The following WDPCP variants were observed in gnomAD, a reference collection of about 807,000 sequenced individuals.
WDPCP encodes the protein WD repeat-containing and planar cell polarity effector protein fritz homolog.
WDPCP carries 71 observed loss-of-function variants against 93.1 expected under a neutral mutation model. The observed-to-expected ratio is 0.76, with a 90% confidence interval of 0.63 to 0.93. The LOEUF is 0.93. WDPCP is among the 40% of genes least tolerant of loss of function. WDPCP has a pLI of 0.00. For missense variants in WDPCP, 844 were observed against 887.4 expected, an observed-to-expected ratio of 0.95 and a Z score of 0.62; for synonymous variants, 315 against 315.0, an observed-to-expected ratio of 1.00 and a Z score of 0.00.
intron 1 of WDPCP, among the ~76,000 whole-genome samples, chr2:63,503,906 TGA>T (rs1701708635): frequency 1.1e-5 from 1 of 94,874 alleles, no homozygotes; most frequent in African/African-American, 4.0e-5. Context: ...TGAGCTCAAA[TGA>T]AAAAAAAAAA....
rs548483405 is a variant in WDPCP at position 63,588,248 on chromosome 2, G to C, written c.24C>G (p.Asp8Glu). The C allele has an allele frequency of 1.9e-6, 3 of 1,577,926 alleles. No homozygotes were observed. The highest frequency in any genetic ancestry group is 3.5e-5 in the Admixed American group (2 of 57,310). Residue 8 changes from aspartate (D) to glutamate (E), a missense_variant, in exon 1 of 18, where the codon GAC (aspartate) becomes GAG (glutamate). Coordinates refer to ENST00000272321, the MANE Select transcript of WDPCP (RefSeq NM_015910.7). MRREFCWDAYSKAAGSRA... is the reference protein window; with the variant it reads MRREFCWEAYSKAAGSRA... ...GACTCCCGGCCGCTTTGGAGTAGGCGTCCCAGCAAAACTCTCGCCTCATCA... is the reference window on the plus strand; with the variant it reads ...GACTCCCGGCCGCTTTGGAGTAGGCCTCCCAGCAAAACTCTCGCCTCATCA...
chr2:63,224,206 A>G (rs1200100882), intron 14 of WDPCP, among the ~76,000 whole-genome samples: 1 of 152,086 alleles, frequency 6.6e-6, no homozygotes, highest in Non-Finnish European at 1.5e-5. Flanking sequence ...AGATATGACT[A>G]CACACCTATT....
intron 2 of WDPCP, among the ~76,000 whole-genome samples, chr2:63,764,825 C>T (rs6742187): frequency 0.65 from 98,342 of 151,994 alleles, 32,765 homozygotes; most frequent in East Asian, 0.81. Context: ...AGGGGTGTGA[C>T]CTTTCTGATT....
intron 1 of WDPCP, among the ~76,000 whole-genome samples, chr2:63,500,065 A>G (rs1217524660): frequency 6.6e-6 from 1 of 152,220 alleles, no homozygotes; most frequent in African/African-American, 2.4e-5. Flanking sequence ...AGTTCCCAGG[A>G]ACCCCTTACC....
At chr2:63,367,234 A>G (rs1177418373) in intron 12 of WDPCP, among the ~76,000 whole-genome samples, 1 of 152,028 alleles carries the variant, frequency 6.6e-6, no homozygotes, top group Non-Finnish European at 1.5e-5. Flanking sequence ...AAAAGTAAGA[A>G]TCTCATACAT....
chr2:63,313,882 ATATAT>A (rs1298176012), intron 12 of WDPCP, among the ~76,000 whole-genome samples: 6 of 30,846 alleles, frequency 1.9e-4, no homozygotes, highest in East Asian at 1.2e-3. Context: ...ATATATATAT[ATATAT>A]TTTTTTTTTT....
intron 12 of WDPCP, among the ~76,000 whole-genome samples, chr2:63,363,574 G>A (rs1461834554): frequency 1.3e-5 from 2 of 151,876 alleles, no homozygotes; most frequent in Admixed American, 6.6e-5. Flanking sequence ...CTCCAGAGTG[G>A]GCAACAGAGA....
At chr2:63,285,652 A>G (rs190055839) in intron 13 of WDPCP, among the ~76,000 whole-genome samples, 1 of 152,306 alleles carries the variant, frequency 6.6e-6, no homozygotes, top group African/African-American at 2.4e-5. Context: ...AACAGTAACT[A>G]TTATTGGGGG....
chr2:63,319,326 T>C (rs1686911575), intron 12 of WDPCP, among the ~76,000 whole-genome samples: 1 of 152,218 alleles, frequency 6.6e-6, no homozygotes, highest in Admixed American at 6.5e-5. Context: ...TTCAATCTTC[T>C]GTATATACAA....
intron 17 of WDPCP, among the ~76,000 whole-genome samples, chr2:63,126,238 C>T (rs1446909450): frequency 6.6e-6 from 1 of 152,108 alleles, no homozygotes; most frequent in African/African-American, 2.4e-5. Context: ...CTGGGCTGCA[C>T]AAACATTCTT....
chr2:63,820,440 A>G (rs1317234904), intron 1 of WDPCP, among the ~76,000 whole-genome samples: 2 of 152,154 alleles, frequency 1.3e-5, no homozygotes, highest in African/African-American at 4.8e-5. Context: ...TAGCTAGAGG[A>G]TAACACAAAT....
chr2:63,553,227 T>C (rs2106369138), intron 1 of WDPCP, among the ~76,000 whole-genome samples: 1 of 152,364 alleles, frequency 6.6e-6, no homozygotes, highest in African/African-American at 2.4e-5. Flanking sequence ...TAATGTGAAC[T>C]CTTCAACTGT....
intron 6 of WDPCP, among the ~76,000 whole-genome samples, chr2:63,471,019 T>A (rs1181984838): frequency 6.6e-6 from 1 of 152,176 alleles, no homozygotes; most frequent in African/African-American, 2.4e-5. Context: ...CCACCAAATA[T>A]GAGGCCCAGC....
At chr2:63,165,240 A>T (rs984600902) in intron 15 of WDPCP, among the ~76,000 whole-genome samples, 1 of 152,138 alleles carries the variant, frequency 6.6e-6, no homozygotes, top group Non-Finnish European at 1.5e-5. Flanking sequence ...TTTCATCAGG[A>T]CTGGGAGCTG....
chr2:63,371,355 C>T (rs1488249883), intron 12 of WDPCP, among the ~76,000 whole-genome samples: 3 of 152,132 alleles, frequency 2.0e-5, no homozygotes, highest in Non-Finnish European at 4.4e-5. Context: ...CTGCAATAGC[C>T]TCCCAATGGG....
chr2:63,425,690 A>T (rs1333060585), intron 9 of WDPCP, among the ~76,000 whole-genome samples: 3 of 152,246 alleles, frequency 2.0e-5, no homozygotes, highest in South Asian at 2.1e-4. Flanking sequence ...AAGAATTTTT[A>T]AAAATGAGTA....
chr2:63,667,150 G>A (rs1191081739), intron 2 of WDPCP, among the ~76,000 whole-genome samples: 4 of 152,160 alleles, frequency 2.6e-5, no homozygotes, highest in African/African-American at 9.7e-5. Flanking sequence ...TCAAGTATAT[G>A]CCAAGAAAAC....
chr2:63,527,719 C>T (rs1442302529), intron 1 of WDPCP, among the ~76,000 whole-genome samples: 1 of 151,970 alleles, frequency 6.6e-6, no homozygotes, highest in Admixed American at 6.6e-5. Context: ...ATTTATAATC[C>T]TTTGGGTATA....
chr2:63,405,484 T>C (rs959629973), intron 9 of WDPCP, among the ~76,000 whole-genome samples: 1 of 152,008 alleles, frequency 6.6e-6, no homozygotes, highest in Non-Finnish European at 1.5e-5. Context: ...GGACTGACTT[T>C]TCATATACTT....
Sources: allele counts gnomAD v4.1 joint callset (sites outside exome capture counted in the v4.1 genomes callset), GRCh38; gene constraint gnomAD v4.1.1; transcripts MANE v1.5; gene names NCBI Gene and HGNC (gene_info 2026-07-23, HGNC 2026-07-21).